KAZN: variants seen among roughly 807,000 people sequenced by gnomAD.
KAZN encodes the protein kazrin, periplakin interacting protein, also known as kazrin.
In KAZN, 40 loss-of-function variants were observed where a neutral mutation model predicts 87.4. The ratio of observed to expected loss-of-function variants is 0.46; its 90% CI spans 0.36 to 0.60. KAZN has a LOEUF of 0.60. KAZN is among the 20% of genes least tolerant of loss of function. KAZN has a pLI of 0.00. For synonymous variants in KAZN, 466 were observed against 458.3 expected (o/e 1.02, Z -0.22); for missense variants, 898 against 1,073.9 (o/e 0.84, Z 2.29).
At chr1:14,681,639 ATATATATATATATATATATTTT>A (rs1640623810) in intron 1 of KAZN, among the ~76,000 whole-genome samples, 1 of 10,112 alleles carries the variant, frequency 9.9e-5, no homozygotes, top group Non-Finnish European at 2.1e-4. Flanking sequence ...ATATATATAT[ATATATATATATATATATATTTT>A]TTTTTTTTTT....
At chr1:15,069,374 G>A (rs1448457178) in intron 8 of KAZN, among the ~76,000 whole-genome samples, 1 of 152,186 alleles carries the variant, frequency 6.6e-6, no homozygotes, top group East Asian at 1.9e-4. Flanking sequence ...AAAAACTTTG[G>A]CCCAGAGAGG....
rs749080114 is a variant in KAZN at position 15,055,996 on chromosome 1, G to A, written c.727-95G>A. ...CAGCAATACCCGGTGCAGAGGATCC[G>A]GGCTTTCTCCCCATGGCGGTGGGTG... On this transcript the variant is annotated intron_variant, in intron 4 of 14. Coordinates refer to ENST00000376030, the MANE Select transcript of KAZN (RefSeq NM_201628.3). The A allele has an allele frequency of 1.6e-5, 20 of 1,251,198 alleles. 1 individual carries two copies. The highest frequency in any genetic ancestry group is 9.6e-5 in the South Asian group (7 of 73,240). 77.5% of individuals were successfully genotyped at this position (1,251,198 alleles called of 1,614,324 possible). A position where few individuals can be genotyped will look rare whatever the true frequency, so the allele number is the denominator to read the frequency against.
chr1:14,125,283 C>G (rs1445378574), intron 1 of KAZN, among the ~76,000 whole-genome samples: 1 of 152,148 alleles, frequency 6.6e-6, no homozygotes, highest in East Asian at 1.9e-4. Flanking sequence ...TCTTTTCCGA[C>G]CTAGCAAAAA....
chr1:14,607,473 T>C (rs139755331), intron 1 of KAZN, among the ~76,000 whole-genome samples: 88 of 152,316 alleles, frequency 5.8e-4, no homozygotes, highest in Non-Finnish European at 9.8e-4. Context: ...CCCAAGAAAC[T>C]GTTATTGTTC....
intron 1 of KAZN, among the ~76,000 whole-genome samples, chr1:14,878,895 A>T (rs1217241142): frequency 2.0e-5 from 3 of 152,218 alleles, no homozygotes; most frequent in Non-Finnish European, 4.4e-5. Context: ...ATATCGATCT[A>T]GTTCCTGAGG....
intron 2 of KAZN, among the ~76,000 whole-genome samples, chr1:14,485,968 T>C (rs1444328582): frequency 6.6e-6 from 1 of 150,732 alleles, no homozygotes; most frequent in Non-Finnish European, 1.5e-5. Context: ...GCCCACAGGG[T>C]AGTCTTGCTC....
intron 1 of KAZN, among the ~76,000 whole-genome samples, chr1:14,053,935 C>G (rs969550210): frequency 6.6e-6 from 1 of 151,860 alleles, no homozygotes; most frequent in African/African-American, 2.4e-5. Context: ...AAAAATGTTA[C>G]TAAGGGAAGC....
intron 2 of KAZN, among the ~76,000 whole-genome samples, chr1:14,273,444 G>A (rs1161551274): frequency 6.6e-6 from 1 of 151,948 alleles, no homozygotes; most frequent in Non-Finnish European, 1.5e-5. Context: ...TTTTTAAATT[G>A]CTTATTTGTG....
At chr1:14,522,985 C>T (rs995115526) in intron 2 of KAZN, among the ~76,000 whole-genome samples, 2 of 152,152 alleles carry the variant, frequency 1.3e-5, no homozygotes, top group Non-Finnish European at 2.9e-5. Context: ...TCCCTGTCCG[C>T]CTGTAATTCC....
intron 2 of KAZN, among the ~76,000 whole-genome samples, chr1:14,991,361 A>T (rs1667344744): frequency 6.6e-6 from 1 of 150,722 alleles, no homozygotes; most frequent in South Asian, 2.1e-4. Context: ...CAAAAAAAAG[A>T]AGAAGAAACC....
At chr1:14,228,326 T>C (rs1647483811) in intron 2 of KAZN, among the ~76,000 whole-genome samples, 1 of 152,192 alleles carries the variant, frequency 6.6e-6, no homozygotes. Context: ...GCTTTTCAGA[T>C]GAGGAAGCTG....
intron 2 of KAZN, among the ~76,000 whole-genome samples, chr1:14,508,014 G>A (rs946514760): frequency 3.3e-5 from 5 of 151,588 alleles, no homozygotes; most frequent in Admixed American, 2.6e-4. Flanking sequence ...AGTACTTGGA[G>A]CAAAATCTTC....
intron 2 of KAZN, among the ~76,000 whole-genome samples, chr1:14,486,886 C>T (rs1669378539): frequency 6.6e-6 from 1 of 152,202 alleles, no homozygotes. Flanking sequence ...TCCTTGGTAG[C>T]TCCCTGTAAA....
intron 2 of KAZN, among the ~76,000 whole-genome samples, chr1:14,514,493 A>ATAAATATT (rs1243410861): frequency 0.018 from 1,237 of 69,236 alleles, 181 homozygotes; most frequent in African/African-American, 0.06. Flanking sequence ...AAATATTTAT[A>ATAAATATT]TATGTAAAAT....
At chr1:14,423,879 C>T (rs1014901586) in intron 2 of KAZN, among the ~76,000 whole-genome samples, 1 of 152,158 alleles carries the variant, frequency 6.6e-6, no homozygotes, top group Non-Finnish European at 1.5e-5. Context: ...AGGCTGGGAC[C>T]GTCCACATCA....
chr1:15,069,409 A>G (rs1052518727), intron 8 of KAZN, among the ~76,000 whole-genome samples: 2 of 152,218 alleles, frequency 1.3e-5, no homozygotes, highest in African/African-American at 4.8e-5. Context: ...CGTCCTAGCT[A>G]TCGTGCCTCT....
intron 1 of KAZN, among the ~76,000 whole-genome samples, chr1:13,979,880 A>G (rs1350089095): frequency 2.0e-5 from 3 of 146,728 alleles, no homozygotes; most frequent in Non-Finnish European, 4.5e-5. Flanking sequence ...GCAGTGAGCC[A>G]TGATCGTGCC....
intron 2 of KAZN, among the ~76,000 whole-genome samples, chr1:14,253,483 A>G (rs1285202902): frequency 6.6e-6 from 1 of 152,220 alleles, no homozygotes; most frequent in Admixed American, 6.5e-5. Flanking sequence ...ATAATTGTCC[A>G]TAGGACTATT....
At chr1:14,014,405 A>G (rs930144225) in intron 1 of KAZN, among the ~76,000 whole-genome samples, 9 of 152,094 alleles carry the variant, frequency 5.9e-5, no homozygotes, top group African/African-American at 2.2e-4. Context: ...CAGCTGTCCC[A>G]GGGCCCTGGT....
Sources: gnomAD v4.1 joint callset for allele counts (sites outside exome capture counted in the v4.1 genomes callset) on GRCh38, gnomAD v4.1.1 for gene constraint, MANE v1.5 for transcripts, NCBI Gene and HGNC (gene_info 2026-07-23, HGNC 2026-07-21) for gene names.